NOVA1: variants seen among roughly 807,000 people sequenced by gnomAD.
NOVA1 encodes NOVA alternative splicing regulator 1, also known as RNA-binding protein Nova-1.
NOVA1 carries 7 observed loss-of-function variants against 38.0 expected under a neutral mutation model. That is an observed-to-expected ratio of 0.18 (90% CI 0.10 to 0.35). NOVA1 has a LOEUF of 0.35. Among genes scored for constraint, NOVA1 ranks in the 10% least tolerant of loss-of-function variants. The pLI, the probability that NOVA1 is intolerant of heterozygous loss-of-function variation, is 1.00. For missense variants in NOVA1, 460 were observed against 616.0 expected (o/e 0.75, Z 2.68); for synonymous variants, 270 against 232.5 (o/e 1.16, Z -1.47).
At chr14:26,555,591 C>T (rs1176924182) in intron 2 of NOVA1, among the ~76,000 whole-genome samples, 1 of 152,082 alleles carries the variant, frequency 6.6e-6, no homozygotes, top group East Asian at 1.9e-4. Flanking sequence ...TACTTTCTCA[C>T]AGGATGTAGA....
At chr14:26,472,125 TTTG>T (rs1884631114) in intron 4 of NOVA1, 192 bp downstream of exon 4, 2 of 513,086 alleles carry the variant, frequency 3.9e-6, no homozygotes, top group Admixed American at 3.3e-5. Context: ...GAATATAGTA[TTTG>T]TTATCTAAAA....
chr14:26,511,957 T>C (rs920102561), intron 2 of NOVA1, among the ~76,000 whole-genome samples: 1 of 152,164 alleles, frequency 6.6e-6, no homozygotes, highest in African/African-American at 2.4e-5. Flanking sequence ...ATATACATCA[T>C]GGATTCTTGG....
intron 2 of NOVA1, among the ~76,000 whole-genome samples, chr14:26,551,558 G>A (rs1360591764): frequency 6.6e-6 from 1 of 151,916 alleles, no homozygotes; most frequent in Non-Finnish European, 1.5e-5. Flanking sequence ...ACATACCTAT[G>A]GATTCTGCAT....
At chr14:26,545,001 A>T (rs1890703520) in intron 2 of NOVA1, among the ~76,000 whole-genome samples, 1 of 152,050 alleles carries the variant, frequency 6.6e-6, no homozygotes, top group African/African-American at 2.4e-5. Flanking sequence ...TAAATATAGA[A>T]TCCAAATTGC....
chr14:26,558,371 T>A (rs997501311), intron 2 of NOVA1, among the ~76,000 whole-genome samples: 1 of 152,128 alleles, frequency 6.6e-6, no homozygotes, highest in Admixed American at 6.5e-5. Context: ...TAGTTAATAA[T>A]AAGTTGTTAA....
intron 4 of NOVA1, among the ~76,000 whole-genome samples, chr14:26,461,101 C>T (rs1243734623): frequency 1.3e-5 from 2 of 152,132 alleles, no homozygotes; most frequent in Non-Finnish European, 2.9e-5. Flanking sequence ...ACAGAGAAAC[C>T]ACCTTTGCCT....
In NOVA1 at chr14:26,454,514, A is replaced by T. The variant is rs1480167506; in HGVS notation, c.520-5551T>A. ...TGAAGTTAACTCAGATAAAAATGAG[A>T]CTGCATTTTTTGGCATCTGAATCTA... On this transcript the variant is annotated intron_variant, in intron 4 of 4. Transcript: ENST00000539517. Among the ~76,000 whole-genome samples the T allele has an allele frequency of 2.6e-5, 4 of 152,180 alleles. No individual in the cohort carries two copies. The East Asian group carries it at 7.7e-4, about 29-fold the overall frequency.
chr14:26,552,722 T>C (rs922376201), intron 2 of NOVA1, among the ~76,000 whole-genome samples: 1 of 152,152 alleles, frequency 6.6e-6, no homozygotes, highest in African/African-American at 2.4e-5. Context: ...AAATATACAA[T>C]TTAAGGTATG....
chr14:26,461,461 A>G (rs573070260), intron 4 of NOVA1, among the ~76,000 whole-genome samples: 1 of 152,268 alleles, frequency 6.6e-6, no homozygotes, highest in South Asian at 2.1e-4. Flanking sequence ...ACCACATACT[A>G]TTTAACTTGC....
chr14:26,471,027 T>C (rs1414816556), intron 4 of NOVA1, among the ~76,000 whole-genome samples: 2 of 152,114 alleles, frequency 1.3e-5, no homozygotes, highest in African/African-American at 4.8e-5. Context: ...ACAAGCTTGG[T>C]TGTCACTTTA....
intron 2 of NOVA1, among the ~76,000 whole-genome samples, chr14:26,524,346 C>T (rs1889142838): frequency 6.6e-6 from 1 of 152,052 alleles, no homozygotes; most frequent in Admixed American, 6.6e-5. Flanking sequence ...GCAGGAAGAC[C>T]TTTACTTGTA....
intron 2 of NOVA1, among the ~76,000 whole-genome samples, chr14:26,547,989 A>G (rs1890903375): frequency 6.6e-6 from 1 of 152,044 alleles, no homozygotes; most frequent in Non-Finnish European, 1.5e-5. Context: ...ATTCTTACTC[A>G]CTTTATGCTT....
chr14:26,587,254 C>A (rs1321914634), intron 2 of NOVA1, among the ~76,000 whole-genome samples: 1 of 147,586 alleles, frequency 6.8e-6, no homozygotes, highest in Non-Finnish European at 1.5e-5. Flanking sequence ...AATAAAAAGT[C>A]TCTTAGCTAT....
chr14:26,539,460 A>T (rs1890312151), intron 2 of NOVA1, among the ~76,000 whole-genome samples: 1 of 152,180 alleles, frequency 6.6e-6, no homozygotes, highest in Non-Finnish European at 1.5e-5. Flanking sequence ...TGACTTGAAA[A>T]GTTCTTTTCC....
At chr14:26,499,833 T>A (rs1300669327) in intron 2 of NOVA1, among the ~76,000 whole-genome samples, 9 of 152,126 alleles carry the variant, frequency 5.9e-5, no homozygotes, top group Admixed American at 1.3e-4. Context: ...TTAGCCACAG[T>A]CAATTCCAGC....
At chr14:26,460,817 T>G (rs1421582896) in intron 4 of NOVA1, among the ~76,000 whole-genome samples, 2 of 152,220 alleles carry the variant, frequency 1.3e-5, no homozygotes, top group African/African-American at 4.8e-5. Context: ...TATCTAAGCA[T>G]TCTTTAAAAA....
intron 4 of NOVA1, 37 bp downstream of exon 4, chr14:26,472,283 T>A: frequency 7.7e-7 from 1 of 1,306,246 alleles, no homozygotes; most frequent in Non-Finnish European, 1.1e-6. Context: ...CAATCACCCG[T>A]GAAAAGTATG....
At chr14:26,523,721 TTC>T (rs1889072034) in intron 2 of NOVA1, among the ~76,000 whole-genome samples, 1 of 152,050 alleles carries the variant, frequency 6.6e-6, no homozygotes, top group African/African-American at 2.4e-5. Flanking sequence ...TCTTTTTTTT[TTC>T]TTTTTTTTCC....
rs1881998138 is a variant in NOVA1, at chr14:26,445,477, A to C, written c.*2482T>G. 1 of 152,182 alleles carries C rather than the reference A, an allele frequency of 6.6e-6. No homozygotes were observed. Among genetic ancestry groups the C allele is most frequent in the Non-Finnish European group, 1.5e-5 (1 of 68,028 alleles). 9.4% of individuals were successfully genotyped at this position (152,182 alleles called of 1,614,324 possible). The stretch of plus-strand genomic sequence containing the variant: ...ACCATGCTAACTAGGAAAAGTTTAA[A>C]ATTCCCATTTACAATTAAAATTGAA... On this transcript the variant is annotated 3_prime_UTR_variant, in exon 5 of 5. Coordinates refer to ENST00000539517, the MANE Select transcript of NOVA1 (RefSeq NM_002515.3).
Sources: gnomAD v4.1 joint callset for allele counts (sites outside exome capture counted in the v4.1 genomes callset) on GRCh38, gnomAD v4.1.1 for gene constraint, MANE v1.5 for transcripts, NCBI Gene and HGNC (gene_info 2026-07-23, HGNC 2026-07-21) for gene names.